The following LRRK2 variants were observed in gnomAD, a reference collection of about 807,000 sequenced individuals.
LRRK2 encodes leucine-rich repeat serine/threonine-protein kinase 2.
In LRRK2, 203 loss-of-function variants were observed where a neutral mutation model predicts 302.6. That is an observed-to-expected ratio of 0.67 (90% CI 0.60 to 0.75). The LOEUF is 0.75. Ranked by LOEUF, LRRK2 falls within the 30% of genes least tolerant of loss-of-function variation. The pLI, the probability that LRRK2 is intolerant of heterozygous loss-of-function variation, is 0.00. For synonymous variants in LRRK2, 1,066 were observed against 1,031.9 expected, an observed-to-expected ratio of 1.03 and a Z score of -0.63; for missense variants, 2,830 against 2,951.0, an observed-to-expected ratio of 0.96 and a Z score of 0.95.
rs1000294117 is a variant in LRRK2, at chr12:40,321,100, A to G, written c.5082A>G (p.Leu1694=). The stretch of plus-strand genomic sequence containing the variant: ...AGAACTCTGAAATTATCATCCGACT[A>G]TATGAAATGCCTTATTTTCCAATGG... ...HCENSEIIIR[L]YEMPYFPMGF... Residue 1694 remains leucine (L), a synonymous_variant, in exon 35 of 51, where the codon CTA becomes CTG. Coordinates refer to ENST00000298910, the MANE Select transcript of LRRK2 (RefSeq NM_198578.4). The G allele has an allele frequency of 6.2e-7, 1 of 1,612,978 alleles. No individual in the cohort carries two copies.
rs1942342917 is a variant in LRRK2, at chr12:40,252,933, T to C, written c.1205T>C (p.Met402Thr). The stretch of plus-strand genomic sequence containing the variant: ...AGTTTCCCAGCTCATAGGGAAGTGA[T>C]GCTCTCCATGCTGATGCATTCTTCA... Reference protein sequence around the residue: ...DGHFPAHREVMLSMLMHSSSK... With the variant: ...DGHFPAHREVTLSMLMHSSSK... Residue 402 changes from methionine to threonine, a missense_variant, in exon 11 of 51, where the codon ATG (methionine) becomes ACG (threonine). Met to Thr is a moderately conservative substitution (Grantham distance 81). This residue lies in a region of LRRK2 where 2,121 missense variants were observed against 2,148.0 expected (regional missense o/e 0.99). Transcript: ENST00000298910. 1 of 1,613,332 alleles carries C rather than the reference T, an allele frequency of 6.2e-7. No individual in the cohort carries two copies. The highest frequency in any genetic ancestry group is 8.5e-7 in the Non-Finnish European group (1 of 1,179,460).
chr12:40,287,529 G>A lies in LRRK2; in HGVS notation c.2679G>A (p.Leu893=). ...GTGTGTTTGCTCAAAGTGATGACCT[G>A]GATAGTGAAGGTATTTATTATAAAA... ...MDSVFAQSDD[L]DSEGSEGSFL... is the part of the protein sequence containing the mutation. Residue 893 remains leucine (L), a synonymous_variant, in exon 20 of 51, where the codon CTG becomes CTA. Coordinates refer to ENST00000298910, the MANE Select transcript of LRRK2 (RefSeq NM_198578.4). 4 of 1,611,376 alleles carry A rather than the reference G, an allele frequency of 2.5e-6. No individual in the cohort carries two copies. The highest frequency in any genetic ancestry group is 3.4e-6 in the Non-Finnish European group (4 of 1,178,602).
chr12:40,243,808 C>A, intron 7 of LRRK2, 127 bp downstream of exon 7: 1 of 951,264 alleles, frequency 1.1e-6, no homozygotes, highest in Non-Finnish European at 1.6e-6. Context: ...ATTGTAAAAT[C>A]CCAGAAAAAA....
chr12:40,343,012 C>T (rs1031520576), intron 41 of LRRK2, among the ~76,000 whole-genome samples: 1 of 152,056 alleles, frequency 6.6e-6, no homozygotes, highest in Non-Finnish European at 1.5e-5. Context: ...GATACAGAGA[C>T]TAAAGTTTAG....
intron 41 of LRRK2, among the ~76,000 whole-genome samples, chr12:40,341,819 C>A (rs2136958888): frequency 6.6e-6 from 1 of 152,274 alleles, no homozygotes; most frequent in South Asian, 2.1e-4. Flanking sequence ...AAACCATATG[C>A]AACTCTAACA....
At chr12:40,330,422 C>G (rs1255935265) in intron 39 of LRRK2, among the ~76,000 whole-genome samples, 1 of 151,902 alleles carries the variant, frequency 6.6e-6, no homozygotes, top group African/African-American at 2.4e-5. Context: ...TCTAGGATAC[C>G]TTTAATTTCA....
intron 28 of LRRK2, among the ~76,000 whole-genome samples, chr12:40,307,533 A>G (rs1000028118): frequency 2.6e-5 from 4 of 152,008 alleles, no homozygotes; most frequent in African/African-American, 9.7e-5. Flanking sequence ...GTTTATATTT[A>G]TTTATGATGT....
chr12:40,352,669 G>A (rs1372021742), intron 44 of LRRK2, among the ~76,000 whole-genome samples: 3 of 148,222 alleles, frequency 2.0e-5, no homozygotes, highest in South Asian at 2.2e-4. Context: ...GACTCTTAAC[G>A]AGCATGCTGC....
At chr12:40,321,537 T>A (rs1945402403) in intron 35 of LRRK2, among the ~76,000 whole-genome samples, 1 of 152,028 alleles carries the variant, frequency 6.6e-6, no homozygotes. Flanking sequence ...GTGTTTATAA[T>A]GCTAACTCTT....
rs201767673 is a variant in LRRK2, at chr12:40,315,315, T to A, written c.4827+15T>A. 1.3e-5 allele frequency: 21 copies of A among 1,599,098 alleles called. No homozygotes were observed. Among genetic ancestry groups the A allele is most frequent in the Non-Finnish European group, 1.6e-5 (19 of 1,166,626 alleles). On this transcript the variant is annotated intron_variant, in intron 33 of 50. Coordinates refer to ENST00000298910, the MANE Select transcript of LRRK2 (RefSeq NM_198578.4). ...TCATGGCACAGGTTGGTGTCTTTTA[T>A]TTTTGTGGCACGGGGGTTATGGTCA...
At chr12:40,340,244 A>G in intron 40 of LRRK2, 50 bp from the exon 41 acceptor site, 1 of 1,589,346 alleles carries the variant, frequency 6.3e-7, no homozygotes, top group East Asian at 2.2e-5. Context: ...GACAAAAATT[A>G]TTATAATGTA....
chr12:40,355,009 T>C (rs187468081), intron 45 of LRRK2, among the ~76,000 whole-genome samples: 38 of 152,304 alleles, frequency 2.5e-4, no homozygotes, highest in African/African-American at 8.9e-4. Context: ...CAAAGAAATA[T>C]ATCTACATAG....
intron 41 of LRRK2, among the ~76,000 whole-genome samples, chr12:40,342,915 G>A (rs772830619): frequency 2.0e-4 from 30 of 152,120 alleles, no homozygotes; most frequent in Non-Finnish European, 3.8e-4. Context: ...GCGATGTGCT[G>A]GGCTTGTGCT....
intron 11 of LRRK2, among the ~76,000 whole-genome samples, chr12:40,255,469 T>A (rs903784370): frequency 4.6e-5 from 7 of 152,214 alleles, no homozygotes; most frequent in African/African-American, 7.2e-5. Flanking sequence ...AAGTCTAACG[T>A]GACTTTATGA....
At chr12:40,278,742 A>G (rs1565706246) in intron 18 of LRRK2, among the ~76,000 whole-genome samples, 1 of 152,160 alleles carries the variant, frequency 6.6e-6, no homozygotes, top group African/African-American at 2.4e-5. Context: ...AAAGTTGTGT[A>G]ACACTGGTCT....
chr12:40,235,575 C>G, intron 3 of LRRK2, 51 bp from the exon 4 acceptor site: 1 of 1,284,132 alleles, frequency 7.8e-7, no homozygotes, highest in Non-Finnish European at 1.1e-6. Flanking sequence ...AATAAGCAAA[C>G]TTTTGAGTAT....
In LRRK2 at chr12:40,283,928, A is replaced by T. The variant is rs750663187; in HGVS notation, c.2295A>T (p.Gly765=). Residue 765 remains glycine, a synonymous_variant, in exon 19 of 51, where the codon GGA becomes GGT. Transcript: ENST00000298910. ...TGGTGGAACTCTTACTGAATAGTGG[A>T]TCTCGTGAACAAGATGTACGAAAAG... ...PKLVELLLNS[G]SREQDVRKAL... is the part of the protein sequence containing the mutation. The T allele has an allele frequency of 1.2e-6, 2 of 1,613,778 alleles. No homozygotes were observed. Among genetic ancestry groups the T allele is most frequent in the South Asian group, 2.2e-5 (2 of 91,040 alleles).
chr12:40,232,228 T>TTAACATTC, intron 2 of LRRK2, 46 bp from the exon 3 acceptor site: 1 of 1,357,912 alleles, frequency 7.4e-7, no homozygotes, highest in South Asian at 1.2e-5. Context: ...GTATGCTCTA[T>TTAACATTC]TAACATTCTT....
intron 31 of LRRK2, among the ~76,000 whole-genome samples, 198 bp from the exon 32 acceptor site, chr12:40,313,774 C>T (rs761504574): frequency 2.0e-5 from 3 of 151,736 alleles, no homozygotes; most frequent in Non-Finnish European, 4.4e-5. Flanking sequence ...TCTGAATCAA[C>T]AATTTTCCTA....
Sources: gnomAD v4.1 joint callset for allele counts (sites outside exome capture counted in the v4.1 genomes callset) on GRCh38, gnomAD v4.1.1 for gene constraint, gnomAD v4.1.1 regional missense constraint, MANE v1.5 for transcripts, NCBI Gene and HGNC (gene_info 2026-07-23, HGNC 2026-07-21) for gene names.